Variants in EVA1A observed in about 807,000 individuals in gnomAD.
EVA1A encodes the protein protein eva-1 homolog A.
EVA1A carries 7 observed loss-of-function variants against 9.8 expected under a neutral mutation model. That is an observed-to-expected ratio of 0.71 (90% CI 0.41 to 1.34). The LOEUF (loss-of-function observed/expected upper bound fraction) is 1.34. Ranked by LOEUF, EVA1A falls within the 40% of genes most tolerant of loss-of-function variation. The pLI is 0.01. For synonymous variants in EVA1A, 90 were observed against 85.6 expected, an observed-to-expected ratio of 1.05 and a Z score of -0.28; for missense variants, 206 against 205.9, an observed-to-expected ratio of 1.00 and a Z score of 0.00.
chr2:75,524,363 G>A (rs1675342179), intron 1 of EVA1A, among the ~76,000 whole-genome samples: 2 of 151,476 alleles, frequency 1.3e-5, no homozygotes, highest in South Asian at 4.2e-4. Flanking sequence ...GTTTATCACT[G>A]TCATCCTAGA....
intron 2 of EVA1A, chr2:75,518,757 T>C (rs1001144043): frequency 1.0e-6 from 1 of 986,238 alleles, no homozygotes; most frequent in Non-Finnish European, 1.2e-6. Context: ...AGCCCTCTCC[T>C]CTCCTGCTGT....
intron 1 of EVA1A, among the ~76,000 whole-genome samples, chr2:75,547,425 C>G (rs1416807431): frequency 6.6e-6 from 1 of 152,184 alleles, no homozygotes; most frequent in Non-Finnish European, 1.5e-5. Flanking sequence ...GGAAATACAA[C>G]TTAACATTCT....
At chr2:75,510,171 T>A (rs1674760104) in intron 3 of EVA1A, among the ~76,000 whole-genome samples, 1 of 152,182 alleles carries the variant, frequency 6.6e-6, no homozygotes, top group Non-Finnish European at 1.5e-5. Flanking sequence ...TTCTATTTCT[T>A]GGTTACACAA....
At chr2:75,493,817 A>C (rs1674111470) in intron 3 of EVA1A, among the ~76,000 whole-genome samples, 1 of 152,174 alleles carries the variant, frequency 6.6e-6, no homozygotes, top group Non-Finnish European at 1.5e-5. Context: ...AAATTCTTTC[A>C]CTCTTCTTGC....
intron 1 of EVA1A, among the ~76,000 whole-genome samples, chr2:75,545,697 C>T (rs889131233): frequency 4.0e-5 from 6 of 151,864 alleles, no homozygotes; most frequent in Admixed American, 6.6e-5. Flanking sequence ...ACACAGAAAT[C>T]ATTCATTCAC....
At chr2:75,515,542 G>C (rs1487165809) in intron 3 of EVA1A, among the ~76,000 whole-genome samples, 1 of 152,154 alleles carries the variant, frequency 6.6e-6, no homozygotes. Flanking sequence ...TGCCCAAAGA[G>C]AAATCCAATC....
chr2:75,534,997 A>C (rs1675823139), intron 1 of EVA1A, among the ~76,000 whole-genome samples: 1 of 152,154 alleles, frequency 6.6e-6, no homozygotes, highest in Admixed American at 6.5e-5. Flanking sequence ...CCATCCACTA[A>C]ATAGGGTATC....
chr2:75,540,196 C>A (rs113845349), intron 1 of EVA1A, among the ~76,000 whole-genome samples: 2 of 152,218 alleles, frequency 1.3e-5, no homozygotes, highest in African/African-American at 4.8e-5. Flanking sequence ...AGGTGTGGCA[C>A]ACTCACAGGG....
At chr2:75,517,537 C>A (rs1353945681) in intron 3 of EVA1A, among the ~76,000 whole-genome samples, 1 of 152,112 alleles carries the variant, frequency 6.6e-6, no homozygotes. Flanking sequence ...AACTTTGAAC[C>A]AACGAAGGGA....
intron 1 of EVA1A, among the ~76,000 whole-genome samples, chr2:75,530,207 C>T (rs1675594857): frequency 1.3e-5 from 2 of 151,756 alleles, no homozygotes; most frequent in Admixed American, 1.3e-4. Flanking sequence ...CAGGAAGAAA[C>T]AGTAACTCTG....
chr2:75,527,203 CA>C (rs1048396392), intron 1 of EVA1A, among the ~76,000 whole-genome samples: 13 of 152,202 alleles, frequency 8.5e-5, no homozygotes, highest in Non-Finnish European at 1.8e-4. Flanking sequence ...CCCACACCAG[CA>C]AAGCCTGGGT....
rs111459921 is a variant in EVA1A at position 75,546,997 on chromosome 2, A to G, written c.-192+13683T>C. Among the ~76,000 whole-genome samples, 1,132 of 151,612 alleles carry G rather than the reference A, an allele frequency of 7.5e-3. 10 individuals carry two copies. Among genetic ancestry groups the G allele is most frequent in the African/African-American group, 0.026 (1,059 of 41,384 alleles). On this transcript the variant is annotated intron_variant, in intron 1 of 3. Coordinates refer to ENST00000393913, the MANE Select transcript of EVA1A (RefSeq NM_001135032.2). ...TTTCCCTAGAGCCTTCAGAGAGGGC[A>G]TGGCCCTGCTGACATCCTGATTTTG...
chr2:75,518,955 T>TG (rs1432952073), intron 2 of EVA1A: 4 of 736,984 alleles, frequency 5.4e-6, no homozygotes, highest in Admixed American at 6.3e-5. Flanking sequence ...TCTAGCTCCA[T>TG]GACTCCACCT....
intron 1 of EVA1A, among the ~76,000 whole-genome samples, chr2:75,550,904 A>G (rs373482121): frequency 5.1e-4 from 78 of 152,320 alleles, no homozygotes; most frequent in Middle Eastern, 3.4e-3. Context: ...AGGGCAGATC[A>G]CGAAGTCAGG....
chr2:75,551,556 T>C (rs548081531), intron 1 of EVA1A, among the ~76,000 whole-genome samples: 2 of 152,312 alleles, frequency 1.3e-5, no homozygotes, highest in Non-Finnish European at 2.9e-5. Context: ...CTGAGGTCAG[T>C]GTTGTGCCCT....
intron 1 of EVA1A, among the ~76,000 whole-genome samples, chr2:75,554,049 C>T (rs150872551): frequency 8.7e-4 from 132 of 152,222 alleles, no homozygotes; most frequent in African/African-American, 2.6e-3. Context: ...CCTGTCTTGT[C>T]TTGACAAGAT....
chr2:75,517,996 A>G lies in EVA1A; in HGVS notation c.85+60T>C, dbSNP rs1675074656. 19 of 1,601,326 alleles carry G rather than the reference A, an allele frequency of 1.2e-5. No homozygotes were observed. The East Asian group carries it at 4.2e-4, about 36-fold the overall frequency. Reference sequence around the variant, plus strand: ...ATAAGGCCAGAGATGGCCACCCAGGAGACAACCTTGGACCCAGCCCCAGAC... The same window carrying G: ...ATAAGGCCAGAGATGGCCACCCAGGGGACAACCTTGGACCCAGCCCCAGAC... On this transcript the variant is annotated intron_variant, in intron 3 of 3. Coordinates refer to ENST00000393913, the MANE Select transcript of EVA1A (RefSeq NM_001135032.2).
chr2:75,528,745 G>A (rs1675542439), intron 1 of EVA1A, among the ~76,000 whole-genome samples: 2 of 152,054 alleles, frequency 1.3e-5, no homozygotes, highest in Non-Finnish European at 2.9e-5. Flanking sequence ...ACCCCCCATT[G>A]CCTGAGAAAC....
intron 1 of EVA1A, among the ~76,000 whole-genome samples, chr2:75,548,689 G>A (rs914150352): frequency 6.6e-6 from 1 of 152,116 alleles, no homozygotes; most frequent in Admixed American, 6.5e-5. Context: ...ATGTTGTAAA[G>A]AATGAATATG....
Sources: allele counts gnomAD v4.1 joint callset (sites outside exome capture counted in the v4.1 genomes callset), GRCh38; gene constraint gnomAD v4.1.1; transcripts MANE v1.5; gene names NCBI Gene and HGNC (gene_info 2026-07-23, HGNC 2026-07-21).